TEX264: variants seen among roughly 807,000 people sequenced by gnomAD.
TEX264 encodes the protein testis expressed 264, ER-phagy receptor, also known as testis-expressed protein 264.
Under a neutral mutation model 23.4 loss-of-function variants are expected in TEX264, and 13 were observed. That is an observed-to-expected ratio of 0.56 (90% confidence interval 0.36 to 0.88). The LOEUF is 0.88. Among genes scored for constraint, TEX264 ranks in the 40% least tolerant of loss-of-function variants. The probability of loss-of-function intolerance (pLI) is 0.01; values close to 1 mark genes in which losing one functional copy is unlikely to be tolerated. For missense variants in TEX264, 340 were observed against 406.8 expected (o/e 0.84, Z 1.41); for synonymous variants, 159 against 170.0 (o/e 0.94, Z 0.50).
intron 3 of TEX264, among the ~76,000 whole-genome samples, chr3:51,697,435 C>A (rs993472708): frequency 3.3e-5 from 5 of 152,228 alleles, no homozygotes; most frequent in Non-Finnish European, 4.4e-5. Context: ...AGGCTCTGTC[C>A]TCTGGGATCT....
intron 1 of TEX264, 136 bp from the exon 2 acceptor site, chr3:51,674,135 C>A: frequency 1.2e-6 from 1 of 810,792 alleles, no homozygotes; most frequent in Non-Finnish European, 1.9e-6. Flanking sequence ...TGTGTAAACA[C>A]CTCTGGCCCC....
intron 3 of TEX264, 58 bp from the exon 4 acceptor site, chr3:51,699,348 G>A (rs1397757816): frequency 1.1e-5 from 17 of 1,577,160 alleles, no homozygotes; most frequent in African/African-American, 4.0e-5. Context: ...GTCACCCAGG[G>A]ACAAGTGAGT....
intron 4 of TEX264, among the ~76,000 whole-genome samples, chr3:51,700,356 C>T (rs1442733342): frequency 6.6e-6 from 1 of 152,054 alleles, no homozygotes; most frequent in Non-Finnish European, 1.5e-5. Flanking sequence ...CCTTCTTTAG[C>T]AGATGCTCTG....
intron 3 of TEX264, among the ~76,000 whole-genome samples, chr3:51,694,085 GTCCT>G (rs60670569): frequency 0.22 from 18,380 of 85,110 alleles, 2,278 homozygotes; most frequent in African/African-American, 0.31. Context: ...CCTTCCGTCC[GTCCT>G]TCCTTCCTTC....
Position 51,674,457 on chromosome 3 carries a change from G to A in TEX264, c.153G>A (p.Lys51=). Residue 51 remains lysine, a synonymous_variant, in exon 2 of 5, where the codon AAG becomes AAA. Coordinates refer to ENST00000341333, the MANE Select transcript of TEX264 (RefSeq NM_015926.6). ...TCCGCAACGTCACTGTGGCCTACAA[G>A]TTCCACATGGGGCTCTATGGTGAGA... is the stretch of plus-strand genomic sequence containing the variant. The part of the protein sequence containing the change: ...PPIRNVTVAY[K]FHMGLYGETG... 6.2e-7 allele frequency: 1 copy of A among 1,614,234 alleles called. No homozygotes were observed. Among genetic ancestry groups the A allele is most frequent in the Non-Finnish European group, 8.5e-7 (1 of 1,180,036 alleles).
rs751516569 is a variant in TEX264, at chr3:51,674,380, G to A, written c.76G>A (p.Gly26Arg). 4.3e-6 allele frequency: 7 copies of A among 1,614,216 alleles called. No homozygotes were observed. Among genetic ancestry groups the A allele is most frequent in the Middle Eastern group, 1.6e-4 (1 of 6,062 alleles). Residue 26 changes from glycine (G) to arginine (R), a missense_variant, in exon 2 of 5, where the codon GGG (glycine) becomes AGG (arginine). Gly to Arg is a moderately radical substitution (Grantham distance 125). Coordinates refer to ENST00000341333, the MANE Select transcript of TEX264 (RefSeq NM_015926.6). ...GCTGCTGACGCTGCTGGCCTTTGCC[G>A]GGTACTCAGGGCTACTGGCTGGGGT... is the stretch of plus-strand genomic sequence containing the variant. Reference protein sequence around the residue: ...LLLLTLLAFAGYSGLLAGVEV... With the variant: ...LLLLTLLAFARYSGLLAGVEV...
rs1482683837 is a variant in TEX264, at chr3:51,703,716, G to C, written c.650-8G>C. The C allele has an allele frequency of 5.1e-6, 8 of 1,575,300 alleles. No homozygotes were observed. The highest frequency in any genetic ancestry group is 4.3e-6 in the Non-Finnish European group (5 of 1,154,376). On this transcript the variant is annotated splice_polypyrimidine_tract_variant and splice_region_variant and intron_variant, in intron 4 of 4. Coordinates refer to ENST00000341333, the MANE Select transcript of TEX264 (RefSeq NM_015926.6). The surrounding 1 kb of genome is among the most constrained non-coding windows in gnomAD (Gnocchi z 4.8). ...TAGCTAACCTGTGCTCCCTTTTCCT[G>C]GTCATAGGAGCTGACACAATGAGTG...
At chr3:51,693,690 G>T (rs1261229911) in intron 3 of TEX264, among the ~76,000 whole-genome samples, 2 of 152,078 alleles carry the variant, frequency 1.3e-5, no homozygotes, top group East Asian at 3.9e-4. Context: ...ATGTCAGCCA[G>T]GCTGGTCTCG....
chr3:51,690,978 G>A (rs1206871510), intron 3 of TEX264, among the ~76,000 whole-genome samples: 1 of 152,242 alleles, frequency 6.6e-6, no homozygotes, highest in African/African-American at 2.4e-5. Flanking sequence ...CATAAGTGGG[G>A]CTGGAACCAA....
At chr3:51,700,453 C>G (rs569098267) in intron 4 of TEX264, among the ~76,000 whole-genome samples, 2 of 152,086 alleles carry the variant, frequency 1.3e-5, no homozygotes, top group Non-Finnish European at 2.9e-5. Context: ...AGTCTCTACT[C>G]CCTAGGGGCC....
At chr3:51,675,393 C>T (rs768254534) in intron 2 of TEX264, among the ~76,000 whole-genome samples, 17 of 152,168 alleles carry the variant, frequency 1.1e-4, no homozygotes, top group Non-Finnish European at 2.1e-4. Flanking sequence ...GAATCCCCAG[C>T]TCTGATTTCC....
intron 3 of TEX264, among the ~76,000 whole-genome samples, chr3:51,697,326 T>C (rs184748528): frequency 1.3e-5 from 2 of 152,336 alleles, no homozygotes; most frequent in East Asian, 3.9e-4. Context: ...TATCTTGTTA[T>C]GGCCAAGTTC....
At chr3:51,690,920 C>T (rs1702807192) in intron 3 of TEX264, among the ~76,000 whole-genome samples, 2 of 152,202 alleles carry the variant, frequency 1.3e-5, no homozygotes, top group African/African-American at 4.8e-5. Flanking sequence ...GTCCCTTAGG[C>T]CGAGGATCGT....
intron 2 of TEX264, among the ~76,000 whole-genome samples, chr3:51,676,570 G>A (rs961335268): frequency 6.6e-6 from 1 of 152,234 alleles, no homozygotes; most frequent in Non-Finnish European, 1.5e-5. Flanking sequence ...GCAGTCCCGA[G>A]TTCTGATTCT....
At chr3:51,688,215 A>G (rs1702696389) in intron 3 of TEX264, among the ~76,000 whole-genome samples, 1 of 152,206 alleles carries the variant, frequency 6.6e-6, no homozygotes, top group African/African-American at 2.4e-5. Context: ...AAGCTGCAGG[A>G]TGGAACAGAG....
At chr3:51,687,679 G>C (rs915373462) in intron 3 of TEX264, among the ~76,000 whole-genome samples, 4 of 152,122 alleles carry the variant, frequency 2.6e-5, no homozygotes, top group African/African-American at 9.7e-5. Flanking sequence ...CAGGAGTTGC[G>C]GGGGGAGGAC....
intron 1 of TEX264, 121 bp from the exon 2 acceptor site, chr3:51,674,150 C>A (rs1177700955): frequency 3.0e-5 from 31 of 1,018,272 alleles, no homozygotes; most frequent in Non-Finnish European, 4.3e-6. Context: ...GGCCCCTCCC[C>A]TTTCTGGGTC....
chr3:51,684,918 C>A (rs1238899934), intron 3 of TEX264, among the ~76,000 whole-genome samples: 1 of 152,238 alleles, frequency 6.6e-6, no homozygotes, highest in African/African-American at 2.4e-5. Flanking sequence ...CAAAGACATC[C>A]ATAGTGCTTA....
At chr3:51,677,342 T>C (rs1249038024) in intron 2 of TEX264, among the ~76,000 whole-genome samples, 1 of 152,194 alleles carries the variant, frequency 6.6e-6, no homozygotes, top group Non-Finnish European at 1.5e-5. Flanking sequence ...TGGAGTGGGC[T>C]GAGAACCAAA....
Sources: gnomAD v4.1 joint callset for allele counts (sites outside exome capture counted in the v4.1 genomes callset) on GRCh38, gnomAD v4.1.1 for gene constraint, Gnocchi (gnomAD v3.1) non-coding constraint, MANE v1.5 for transcripts, NCBI Gene and HGNC (gene_info 2026-07-23, HGNC 2026-07-21) for gene names.